The following OXSR1 variants were observed in gnomAD, a reference collection of about 807,000 sequenced individuals.
OXSR1 encodes the protein serine/threonine-protein kinase OSR1.
OXSR1 carries 24 observed loss-of-function variants against 79.8 expected under a neutral mutation model. That is an observed-to-expected ratio of 0.30 (90% confidence interval 0.22 to 0.42). The LOEUF is 0.42. OXSR1 is among the 10% of genes least tolerant of loss of function. OXSR1 has a pLI of 1.00. For missense variants in OXSR1, 430 were observed against 618.4 expected (o/e 0.70, Z 3.23); for synonymous variants, 226 against 209.2 (o/e 1.08, Z -0.69).
Position 38,247,120 on chromosome 3 carries a change from T to G in OXSR1, c.1258-548T>G, listed in dbSNP as rs150267158. Among the ~76,000 whole-genome samples the G allele has an allele frequency of 6.4e-4, 98 of 152,242 alleles. 1 individual carries two copies. Among genetic ancestry groups the G allele is most frequent in the African/African-American group, 2.1e-3 (89 of 41,552 alleles). On this transcript the variant is annotated intron_variant, in intron 13 of 17. Transcript: ENST00000311806. ...CTTGGCATATGGGAAAAGATACAGT[T>G]GTCTTAGGAAAATTGATGGAAAAAT...
chr3:38,236,205 AAAG>A (rs1324081967), intron 10 of OXSR1, among the ~76,000 whole-genome samples: 3 of 151,054 alleles, frequency 2.0e-5, no homozygotes, highest in Non-Finnish European at 4.4e-5. Context: ...TATCTTGAGA[AAAG>A]AATAGAGATT....
At chr3:38,183,899 C>G (rs562940348) in intron 2 of OXSR1, among the ~76,000 whole-genome samples, 3 of 152,174 alleles carry the variant, frequency 2.0e-5, no homozygotes, top group African/African-American at 7.2e-5. Flanking sequence ...ATTATTGTTT[C>G]AAAATTTTCA....
rs539689693 is a variant in OXSR1, at chr3:38,205,194, TC to T, written c.434+6333del. Among the ~76,000 whole-genome samples the T allele has an allele frequency of 1.2e-3, 178 of 152,322 alleles. 1 individual carries two copies. Among genetic ancestry groups the T allele is most frequent in the African/African-American group, 3.3e-3 (136 of 41,564 alleles). On this transcript the variant is annotated intron_variant, in intron 4 of 17. Coordinates refer to ENST00000311806, the MANE Select transcript of OXSR1 (RefSeq NM_005109.3). ...GGCATTGACAATTCAAGACTGTCTT[TC>T]CTATCACCATTAGTGTCTCTAACAG...
chr3:38,234,729 T>C (rs1702883960), intron 10 of OXSR1, among the ~76,000 whole-genome samples: 1 of 152,246 alleles, frequency 6.6e-6, no homozygotes, highest in Admixed American at 6.5e-5. Context: ...CCAGCAGTTC[T>C]ACTCCTAGGC....
In OXSR1 at chr3:38,236,977, CTG is replaced by C. The variant is rs1271465259; in HGVS notation, c.1074+20_1074+21del. ...ACAACTCAGGGTAAATTTTATTAAA[CTG>C]TGTACTTTAGCTAGAACTTTTTGTA... On this transcript the variant is annotated intron_variant, in intron 11 of 17. Coordinates refer to ENST00000311806, the MANE Select transcript of OXSR1 (RefSeq NM_005109.3). 1 of 1,606,454 alleles carries C rather than the reference CTG, an allele frequency of 6.2e-7. No individual in the cohort carries two copies. Among genetic ancestry groups the C allele is most frequent in the African/African-American group, 1.3e-5 (1 of 74,744 alleles).
At position 38,254,944 on chromosome 3, in the gene OXSR1, T is replaced by C. The variant is rs1359695494; in HGVS notation, c.*2053T>C. 1 of 152,636 alleles carries C rather than the reference T, an allele frequency of 6.6e-6. No homozygotes were observed. The highest frequency in any genetic ancestry group is 1.5e-5 in the Non-Finnish European group (1 of 68,076). The allele number at this position is 152,636 out of a possible 1,614,324, so 9.5% of individuals were successfully genotyped here. ...GGGTTTCTCCTTCTTTTCAGTTCAT[T>C]GTTTGCCCTGCTAGGAATTAGAAGA... is the stretch of plus-strand genomic sequence containing the variant. On this transcript the variant is annotated 3_prime_UTR_variant, in exon 18 of 18. Coordinates refer to ENST00000311806, the MANE Select transcript of OXSR1 (RefSeq NM_005109.3).
At chr3:38,251,367 A>G in intron 15 of OXSR1, 36 bp from the exon 16 acceptor site, 2 of 1,577,900 alleles carry the variant, frequency 1.3e-6, no homozygotes, top group South Asian at 1.1e-5. Context: ...GCAAGCACGC[A>G]CAAAAAACAG....
intron 10 of OXSR1, among the ~76,000 whole-genome samples, chr3:38,233,076 C>T (rs1381733202): frequency 6.6e-6 from 1 of 152,070 alleles, no homozygotes; most frequent in Non-Finnish European, 1.5e-5. Context: ...GGTCCCTCCC[C>T]CACTCCATGC....
At chr3:38,200,845 A>G (rs1702149580) in intron 4 of OXSR1, among the ~76,000 whole-genome samples, 1 of 152,200 alleles carries the variant, frequency 6.6e-6, no homozygotes, top group Non-Finnish European at 1.5e-5. Flanking sequence ...ATATTGCCAA[A>G]TTGCTTTTCA....
chr3:38,199,409 A>C (rs1225981998), intron 4 of OXSR1, among the ~76,000 whole-genome samples: 1 of 151,828 alleles, frequency 6.6e-6, no homozygotes, highest in Non-Finnish European at 1.5e-5. Flanking sequence ...TTTAATTTTC[A>C]TAAAGATGGG....
intron 4 of OXSR1, 65 bp from the exon 5 acceptor site, chr3:38,216,031 C>A: frequency 1.0e-6 from 1 of 991,722 alleles, no homozygotes; most frequent in South Asian, 1.5e-5. Flanking sequence ...TAAACAATTG[C>A]TTAAATTATG....
At chr3:38,192,020 T>C (rs1409598343) in intron 3 of OXSR1, among the ~76,000 whole-genome samples, 1 of 152,172 alleles carries the variant, frequency 6.6e-6, no homozygotes, top group East Asian at 1.9e-4. Context: ...AGGATCAAGT[T>C]TTAGTGTAAA....
chr3:38,204,551 G>C (rs1215465827), intron 4 of OXSR1, among the ~76,000 whole-genome samples: 1 of 151,926 alleles, frequency 6.6e-6, no homozygotes, highest in Non-Finnish European at 1.5e-5. Flanking sequence ...GTTAGCAGAT[G>C]ATGAATCCTA....
intron 1 of OXSR1, among the ~76,000 whole-genome samples, chr3:38,176,936 T>C (rs1173065827): frequency 6.6e-6 from 1 of 152,254 alleles, no homozygotes; most frequent in Non-Finnish European, 1.5e-5. Flanking sequence ...TAGGACATGC[T>C]ATTAATATAT....
rs941876648 is a variant in OXSR1, at chr3:38,193,385, G to A, written c.292+2546G>A. 3.1e-6 allele frequency: 4 copies of A among 1,288,776 alleles called. 1 individual carries two copies. The highest frequency in any genetic ancestry group is 4.0e-6 in the Non-Finnish European group (4 of 987,938). The allele number at this position is 1,288,776 out of a possible 1,614,324, so 79.8% of individuals were successfully genotyped here. On this transcript the variant is annotated intron_variant, in intron 3 of 17. Coordinates refer to ENST00000311806, the MANE Select transcript of OXSR1 (RefSeq NM_005109.3). ...CCTTTCAAGATGGTGGTCAAGCATG[G>A]TTCTTTCAGTATGGAGAGATATGGG...
intron 1 of OXSR1, among the ~76,000 whole-genome samples, chr3:38,174,972 A>C (rs184665918): frequency 6.6e-6 from 1 of 152,204 alleles, no homozygotes; most frequent in Non-Finnish European, 1.5e-5. Flanking sequence ...GATTTTTATG[A>C]TGATGACTAT....
chr3:38,172,955 T>C (rs556792866), intron 1 of OXSR1, among the ~76,000 whole-genome samples: 1 of 152,348 alleles, frequency 6.6e-6, no homozygotes, highest in East Asian at 1.9e-4. Context: ...CTCCTTCTCA[T>C]AGTTGGAAGA....
rs71085303 is a variant in OXSR1, at chr3:38,178,620, A to AT, written c.71-4362dup. On this transcript the variant is annotated intron_variant, in intron 1 of 17. Transcript: ENST00000311806. ...TATCCAGCTATATATATATATATAT[A>AT]TTTTTTTTTTTTTTTTTTTTTCTTT... Among the ~76,000 whole-genome samples, 433 of 95,082 alleles carry AT rather than the reference A, an allele frequency of 4.6e-3. 4 individuals are homozygous for AT. Among genetic ancestry groups the AT allele is most frequent in the African/African-American group, 9.0e-3 (202 of 22,510 alleles). The allele number at this position is 95,082 out of a possible 152,430, so 62.4% of individuals were successfully genotyped here. A position where few individuals can be genotyped will look rare whatever the true frequency, so the allele number is the denominator to read the frequency against.
chr3:38,196,849 C>A (rs921082768), intron 3 of OXSR1, among the ~76,000 whole-genome samples: 1 of 152,134 alleles, frequency 6.6e-6, no homozygotes, highest in African/African-American at 2.4e-5. Flanking sequence ...TGTAATAGGG[C>A]TTAATTGTTA....
Sources: allele counts gnomAD v4.1 joint callset (sites outside exome capture counted in the v4.1 genomes callset), GRCh38; gene constraint gnomAD v4.1.1; transcripts MANE v1.5; gene names NCBI Gene and HGNC (gene_info 2026-07-23, HGNC 2026-07-21).